KANSL1: variants seen among roughly 807,000 people sequenced by gnomAD.
KANSL1 encodes KAT8 regulatory NSL complex subunit 1, also known as MLL1/MLL complex subunit KANSL1.
KANSL1 carries 22 observed loss-of-function variants against 103.6 expected under a neutral mutation model. The observed-to-expected ratio is 0.21, with a 90% CI of 0.15 to 0.30. The LOEUF (loss-of-function observed/expected upper bound fraction) is 0.30. Among genes scored for constraint, KANSL1 ranks in the 10% least tolerant of loss-of-function variants. The pLI, the probability that KANSL1 is intolerant of heterozygous loss-of-function variation, is 1.00. For missense variants in KANSL1, 1,337 were observed against 1,399.8 expected, an observed-to-expected ratio of 0.96 and a Z score of 0.72; for synonymous variants, 600 against 527.6, an observed-to-expected ratio of 1.14 and a Z score of -1.88.
At chr17:46,043,076 A>C (rs41374248) in intron 7 of KANSL1, 1 of 152,112 alleles carries the variant, frequency 6.6e-6, no homozygotes, top group East Asian at 1.9e-4. Flanking sequence ...CGGCCCTGTA[A>C]AACAATCTGA....
At chr17:46,099,723 G>A (rs2146996157) in intron 2 of KANSL1, among the ~76,000 whole-genome samples, 1 of 152,328 alleles carries the variant, frequency 6.6e-6, no homozygotes, top group Admixed American at 6.5e-5. Flanking sequence ...TAGAACGTTT[G>A]ATTTTACCGT....
chr17:46,204,963 TG>T (rs1393017699), intron 1 of KANSL1, among the ~76,000 whole-genome samples: 4 of 152,090 alleles, frequency 2.6e-5, no homozygotes, highest in Non-Finnish European at 2.9e-5. Context: ...AAAATACCTA[TG>T]GGGGAAAAAA....
intron 2 of KANSL1, among the ~76,000 whole-genome samples, chr17:46,124,050 T>G (rs1188348369): frequency 6.6e-6 from 1 of 152,150 alleles, no homozygotes; most frequent in Non-Finnish European, 1.5e-5. Context: ...GCTGGTGATT[T>G]TAAGGTGAAG....
chr17:46,186,495 A>C (rs2047042028), intron 1 of KANSL1, among the ~76,000 whole-genome samples: 1 of 152,234 alleles, frequency 6.6e-6, no homozygotes, highest in African/African-American at 2.4e-5. Flanking sequence ...AAAGTCAATT[A>C]ATGACTTTTA....
intron 1 of KANSL1, among the ~76,000 whole-genome samples, chr17:46,217,640 G>A (rs1237779190): frequency 6.6e-6 from 1 of 152,156 alleles, no homozygotes; most frequent in Non-Finnish European, 1.5e-5. Flanking sequence ...TGTAATCCCA[G>A]CACTTTGGGA....
At chr17:46,093,673 G>A (rs2079504155) in intron 3 of KANSL1, 2 of 152,538 alleles carry the variant, frequency 1.3e-5, no homozygotes, top group Admixed American at 6.5e-5. Flanking sequence ...ACTGTTCACA[G>A]GAAAGCCATT....
chr17:46,041,984 T>A (rs1436962464), intron 7 of KANSL1: 2 of 151,498 alleles, frequency 1.3e-5, no homozygotes, highest in East Asian at 3.9e-4. Context: ...CTCGGCTCAC[T>A]GCAAGCTCCG....
intron 1 of KANSL1, among the ~76,000 whole-genome samples, chr17:46,205,078 ACT>A (rs1253702448): frequency 1.3e-5 from 2 of 152,198 alleles, no homozygotes; most frequent in Non-Finnish European, 2.9e-5. Flanking sequence ...CACTCTTACC[ACT>A]CTGTTTAACA....
intron 6 of KANSL1, among the ~76,000 whole-genome samples, chr17:46,055,443 C>T (rs967623801): frequency 4.1e-5 from 6 of 146,270 alleles, no homozygotes; most frequent in Non-Finnish European, 7.5e-5. Flanking sequence ...CCAGCCTGGG[C>T]GACAAGAGCA....
intron 2 of KANSL1, among the ~76,000 whole-genome samples, chr17:46,112,519 T>A (rs2042863405): frequency 6.6e-6 from 1 of 151,370 alleles, no homozygotes; most frequent in African/African-American, 2.4e-5. Context: ...ACCCCATCTC[T>A]ACTAAAAATA....
intron 1 of KANSL1, among the ~76,000 whole-genome samples, chr17:46,174,529 G>A (rs935596034): frequency 2.0e-5 from 3 of 152,198 alleles, no homozygotes; most frequent in Admixed American, 6.5e-5. Context: ...GACTTGTGAC[G>A]ATATTAATGA....
At chr17:46,182,642 T>C (rs2046845338) in intron 1 of KANSL1, among the ~76,000 whole-genome samples, 2 of 152,272 alleles carry the variant, frequency 1.3e-5, no homozygotes, top group South Asian at 2.1e-4. Context: ...ATTAGCGTTT[T>C]ACTATGTCAA....
In KANSL1 at chr17:46,039,053, C is replaced by G; in HGVS notation, c.2366G>C (p.Arg789Pro). 2 of 1,611,388 alleles carry G rather than the reference C, an allele frequency of 1.2e-6. No individual in the cohort carries two copies. Among genetic ancestry groups the G allele is most frequent in the Non-Finnish European group, 1.7e-6 (2 of 1,179,666 alleles). Residue 789 changes from arginine (R) to proline (P), a missense_variant, in exon 9 of 15, where the codon CGA becomes CCA. Transcript: ENST00000432791. ...TTCACTTCTCTCAGATGAATGGTCT[C>G]GCAATCTCATTTTGCTGTGGTTTGG... Reference protein sequence around the residue: ...HDPNHSKMRLRDHSSERSEVL... With the variant: ...HDPNHSKMRLPDHSSERSEVL...
intron 2 of KANSL1, among the ~76,000 whole-genome samples, chr17:46,131,464 A>C (rs941959133): frequency 3.3e-4 from 50 of 152,254 alleles, no homozygotes; most frequent in African/African-American, 1.1e-3. Flanking sequence ...ACTGGTAAAA[A>C]ACTTGAATGC....
At chr17:46,179,146 T>G (rs1241196063) in intron 1 of KANSL1, among the ~76,000 whole-genome samples, 1 of 152,076 alleles carries the variant, frequency 6.6e-6, no homozygotes, top group South Asian at 2.1e-4. Context: ...ATCAAAAATG[T>G]CTCCAGACAT....
intron 2 of KANSL1, among the ~76,000 whole-genome samples, chr17:46,160,468 T>C (rs2045673798): frequency 6.6e-6 from 1 of 152,126 alleles, no homozygotes; most frequent in Non-Finnish European, 1.5e-5. Flanking sequence ...CCTGGCTACT[T>C]TTTTTTGTAG....
At chr17:46,064,924 C>T (rs1335582275) in intron 6 of KANSL1, among the ~76,000 whole-genome samples, 1 of 151,716 alleles carries the variant, frequency 6.6e-6, no homozygotes, top group African/African-American at 2.4e-5. Flanking sequence ...GGTACATGTG[C>T]ACAACGTGCA....
intron 2 of KANSL1, among the ~76,000 whole-genome samples, chr17:46,120,385 T>C (rs867030387): frequency 9.2e-5 from 14 of 151,962 alleles, no homozygotes; most frequent in Non-Finnish European, 1.2e-4. Context: ...GGGACTCTTG[T>C]GTCTTTTAGT....
At chr17:46,160,308 C>CT (rs1403016699) in intron 2 of KANSL1, among the ~76,000 whole-genome samples, 2 of 152,180 alleles carry the variant, frequency 1.3e-5, no homozygotes, top group East Asian at 1.9e-4. Flanking sequence ...ACCCATCCAA[C>CT]TTTTTTTAAG....
Sources: allele counts gnomAD v4.1 joint callset (sites outside exome capture counted in the v4.1 genomes callset), GRCh38; gene constraint gnomAD v4.1.1; transcripts MANE v1.5; gene names NCBI Gene and HGNC (gene_info 2026-07-23, HGNC 2026-07-21).